Variants in NDUFS4 observed in about 807,000 individuals in gnomAD.
NDUFS4 encodes the protein NADH:ubiquinone oxidoreductase subunit S4, also known as NADH dehydrogenase [ubiquinone] iron-sulfur protein 4, mitochondrial.
A neutral mutation model predicts 24.3 loss-of-function variants in NDUFS4; 28 were observed. That is an observed-to-expected ratio of 1.15 (90% CI 0.85 to 1.58). The LOEUF (loss-of-function observed/expected upper bound fraction) is 1.58, where lower values mean the gene tolerates loss of function less well. Among genes scored for constraint, NDUFS4 ranks in the 40% most tolerant of loss-of-function variants. The pLI is 0.00. For synonymous variants in NDUFS4, 93 were observed against 69.7 expected (o/e 1.34, Z -1.67); for missense variants, 223 against 207.9 (o/e 1.07, Z -0.45).
At chr5:53,620,353 ATACT>A (rs1479355221) in intron 2 of NDUFS4, among the ~76,000 whole-genome samples, 7 of 152,196 alleles carry the variant, frequency 4.6e-5, no homozygotes, top group African/African-American at 1.7e-4. Context: ...TATAATAAAA[ATACT>A]TAATACATTA....
intron 3 of NDUFS4, among the ~76,000 whole-genome samples, chr5:53,656,615 T>C (rs1752166855): frequency 6.6e-6 from 1 of 152,216 alleles, no homozygotes; most frequent in South Asian, 2.1e-4. Context: ...GACTAGTTGG[T>C]TACTTCTCAG....
intron 1 of NDUFS4, among the ~76,000 whole-genome samples, chr5:53,594,384 T>C (rs950704075): frequency 6.6e-6 from 1 of 152,158 alleles, no homozygotes; most frequent in Non-Finnish European, 1.5e-5. Context: ...ACATGCTATG[T>C]CTTTTTCCAT....
intron 1 of NDUFS4, among the ~76,000 whole-genome samples, chr5:53,581,124 T>C (rs560370425): frequency 6.6e-6 from 1 of 152,286 alleles, no homozygotes; most frequent in African/African-American, 2.4e-5. Context: ...TGAGCTACTG[T>C]GCCTGGCCAC....
rs756750866 is a variant in NDUFS4, at chr5:53,658,627, A to AT, written c.424+4dup. 6.2e-7 allele frequency: 1 copy of AT among 1,605,698 alleles called. No homozygotes were observed. Among genetic ancestry groups the AT allele is most frequent in the South Asian group, 1.1e-5 (1 of 90,852 alleles). ...AGTTTCCTTTGCAGAAAAAAATGGTATGTTTGGTCTGTTTTTGACAAAGTC... is the reference window on the plus strand; with the variant it reads ...AGTTTCCTTTGCAGAAAAAAATGGTATTGTTTGGTCTGTTTTTGACAAAGTC... On this transcript the variant is annotated splice_donor_region_variant and intron_variant, in intron 4 of 4. Coordinates refer to ENST00000296684, the MANE Select transcript of NDUFS4 (RefSeq NM_002495.4).
chr5:53,658,784 CAAAAAAA>C lies in NDUFS4; in HGVS notation c.424+174_424+180del, dbSNP rs35754713. ...TTAACTACATCAGAACACCCACCTCCAAAAAAAAAAAAAAAAAAAACCTAAATTGGAA... is the reference window on the plus strand; with the variant it reads ...TTAACTACATCAGAACACCCACCTCCAAAAAAAAAAAAACCTAAATTGGAA... On this transcript the variant is annotated intron_variant, in intron 4 of 4. Transcript: ENST00000296684. 9.5e-3 allele frequency: 1,320 copies of C among 138,368 alleles called. 22 individuals are homozygous for C. The highest frequency in any genetic ancestry group is 0.042 in the African/African-American group (1,207 of 28,666). 8.6% of individuals were successfully genotyped at this position (138,368 alleles called of 1,614,324 possible).
At chr5:53,563,745 A>C (rs1287317912) in intron 1 of NDUFS4, among the ~76,000 whole-genome samples, 1 of 151,802 alleles carries the variant, frequency 6.6e-6, no homozygotes, top group Non-Finnish European at 1.5e-5. Context: ...CAGGTGATCC[A>C]CCCGCCCCGG....
At chr5:53,656,022 C>G (rs1382383254) in intron 3 of NDUFS4, among the ~76,000 whole-genome samples, 1 of 152,040 alleles carries the variant, frequency 6.6e-6, no homozygotes, top group Non-Finnish European at 1.5e-5. Context: ...ATACTCTCTT[C>G]CAGCTGCTCT....
At chr5:53,667,702 A>G (rs1339300187) in intron 4 of NDUFS4, among the ~76,000 whole-genome samples, 7 of 152,278 alleles carry the variant, frequency 4.6e-5, no homozygotes. Context: ...TAAAAAAAAA[A>G]GGTTCAGATG....
chr5:53,609,572 G>A (rs963083527), intron 2 of NDUFS4, among the ~76,000 whole-genome samples: 8 of 152,150 alleles, frequency 5.3e-5, no homozygotes, highest in African/African-American at 1.7e-4. Context: ...CACCGGAATT[G>A]CATTAGCCTC....
At chr5:53,569,087 GTGAAT>G in intron 1 of NDUFS4, among the ~76,000 whole-genome samples, 1 of 152,230 alleles carries the variant, frequency 6.6e-6, no homozygotes, top group African/African-American at 2.4e-5. Context: ...GAGCTTTAAA[GTGAAT>G]ACAGATGTTT....
intron 2 of NDUFS4, among the ~76,000 whole-genome samples, chr5:53,641,244 T>A (rs559675514): frequency 4.6e-5 from 7 of 152,268 alleles, no homozygotes; most frequent in African/African-American, 1.7e-4. Context: ...GAACTGGGAT[T>A]CCAACCCAGT....
At chr5:53,641,910 A>C (rs1751714934) in intron 2 of NDUFS4, among the ~76,000 whole-genome samples, 1 of 152,140 alleles carries the variant, frequency 6.6e-6, no homozygotes, top group Non-Finnish European at 1.5e-5. Context: ...TAAATAACTA[A>C]TAGTCTGCGG....
At chr5:53,568,192 C>T (rs981162946) in intron 1 of NDUFS4, among the ~76,000 whole-genome samples, 1 of 152,112 alleles carries the variant, frequency 6.6e-6, no homozygotes, top group Non-Finnish European at 1.5e-5. Flanking sequence ...TCTGTACTCA[C>T]TAGACTTAAT....
intron 1 of NDUFS4, among the ~76,000 whole-genome samples, chr5:53,601,106 G>C (rs925632538): frequency 7.3e-5 from 11 of 150,434 alleles, no homozygotes; most frequent in Non-Finnish European, 1.2e-4. Flanking sequence ...CCAGGTTCAC[G>C]CCATTCTCCT....
intron 1 of NDUFS4, among the ~76,000 whole-genome samples, chr5:53,567,084 C>T (rs942653073): frequency 6.6e-6 from 1 of 151,992 alleles, no homozygotes; most frequent in African/African-American, 2.4e-5. Flanking sequence ...CTCCTGACCT[C>T]GTGATCCACC....
At chr5:53,577,893 A>G (rs1423998845) in intron 1 of NDUFS4, among the ~76,000 whole-genome samples, 1 of 152,190 alleles carries the variant, frequency 6.6e-6, no homozygotes, top group African/African-American at 2.4e-5. Context: ...AGATCAACCT[A>G]CAGTTTTCTT....
At chr5:53,612,469 C>CT (rs34879648) in intron 2 of NDUFS4, among the ~76,000 whole-genome samples, 2 of 152,026 alleles carry the variant, frequency 1.3e-5, no homozygotes, top group Non-Finnish European at 1.5e-5. Flanking sequence ...TATTTCAAAA[C>CT]TTTTTTGAGA....
At chr5:53,580,755 CTCTTTCTT>C (rs367705715) in intron 1 of NDUFS4, among the ~76,000 whole-genome samples, 1 of 133,406 alleles carries the variant, frequency 7.5e-6, no homozygotes, top group Non-Finnish European at 1.5e-5. Context: ...TCCTTCCTTT[CTCTTTCTT>C]TCTTTCTTTC....
chr5:53,646,724 C>T (rs889734851), intron 3 of NDUFS4, among the ~76,000 whole-genome samples: 4 of 151,962 alleles, frequency 2.6e-5, no homozygotes, highest in Non-Finnish European at 2.9e-5. Context: ...TTGCTTTCTA[C>T]GGTTTCAGTT....
Sources: allele counts gnomAD v4.1 joint callset (sites outside exome capture counted in the v4.1 genomes callset), GRCh38; gene constraint gnomAD v4.1.1; transcripts MANE v1.5; gene names NCBI Gene and HGNC (gene_info 2026-07-23, HGNC 2026-07-21).